TBX15: variants seen among roughly 807,000 people sequenced by gnomAD.
The protein encoded by TBX15 is T-box transcription factor TBX15.
TBX15 carries 18 observed loss-of-function variants against 53.9 expected under a neutral mutation model. The ratio of observed to expected loss-of-function variants is 0.33; its 90% CI spans 0.23 to 0.49. The LOEUF (loss-of-function observed/expected upper bound fraction) is 0.49, where lower values mean the gene tolerates loss of function less well. Ranked by LOEUF, TBX15 falls within the 20% of genes least tolerant of loss-of-function variation. The probability of loss-of-function intolerance (pLI) is 0.98; values close to 1 mark genes in which losing one functional copy is unlikely to be tolerated. For missense variants in TBX15, 692 were observed against 749.5 expected (o/e 0.92, Z 0.90); for synonymous variants, 295 against 278.0 (o/e 1.06, Z -0.61).
intron 1 of TBX15, among the ~76,000 whole-genome samples, chr1:118,979,987 G>T (rs1410421225): frequency 6.6e-6 from 1 of 152,228 alleles, no homozygotes; most frequent in Admixed American, 6.5e-5. Flanking sequence ...GAGGGGCCGA[G>T]GGGCCGAGGG....
At chr1:118,969,830 T>G (rs1236621633) in intron 1 of TBX15, among the ~76,000 whole-genome samples, 1 of 152,244 alleles carries the variant, frequency 6.6e-6, no homozygotes, top group East Asian at 1.9e-4. Context: ...TTCCCATGCT[T>G]GGAGCTCAAG....
intron 1 of TBX15, among the ~76,000 whole-genome samples, chr1:118,955,342 A>C (rs183300139): frequency 7.6e-4 from 116 of 152,348 alleles, no homozygotes; most frequent in South Asian, 1.2e-3. Flanking sequence ...CAAGGTTATA[A>C]GATTAAACTA....
intron 1 of TBX15, among the ~76,000 whole-genome samples, chr1:118,941,450 A>T (rs1656173329): frequency 6.6e-6 from 1 of 152,176 alleles, no homozygotes; most frequent in African/African-American, 2.4e-5. Context: ...ACAGCCAGGA[A>T]TGCCCTTCAA....
chr1:118,935,008 T>C (rs1028263670), intron 1 of TBX15, among the ~76,000 whole-genome samples: 1 of 152,190 alleles, frequency 6.6e-6, no homozygotes, highest in Admixed American at 6.5e-5. Flanking sequence ...TCTTAAATAT[T>C]ATAATCTTGA....
chr1:118,922,170 C>A (rs1356103069), intron 5 of TBX15, among the ~76,000 whole-genome samples: 1 of 152,222 alleles, frequency 6.6e-6, no homozygotes, highest in African/African-American at 2.4e-5. Context: ...AAGCTGTCAT[C>A]TTGATCCCAA....
At chr1:118,911,308 C>T (rs1236682117) in intron 6 of TBX15, among the ~76,000 whole-genome samples, 1 of 152,120 alleles carries the variant, frequency 6.6e-6, no homozygotes, top group East Asian at 1.9e-4. Context: ...CTTAAAGTAG[C>T]CCTCAGATTT....
rs963521846 is a variant in TBX15, at chr1:118,914,267, T to A, written c.862-88A>T. 3.2e-4 allele frequency: 385 copies of A among 1,195,028 alleles called. 2 individuals are homozygous for A. The highest frequency in any genetic ancestry group is 1.3e-3 in the South Asian group (99 of 78,024). 74.0% of individuals were successfully genotyped at this position (1,195,028 alleles called of 1,614,324 possible). The stretch of plus-strand genomic sequence containing the variant: ...TAGAAAATTACAAAAATCACTTTTT[T>A]AATAACAGTTGTTGCTTTTATTTAA... On this transcript the variant is annotated intron_variant, in intron 5 of 7. Transcript: ENST00000369429.
intron 1 of TBX15, among the ~76,000 whole-genome samples, chr1:118,957,785 T>C (rs1185733920): frequency 6.6e-6 from 1 of 152,228 alleles, no homozygotes; most frequent in African/African-American, 2.4e-5. Flanking sequence ...TCCATGTCCC[T>C]ACAAAGGACA....
chr1:118,893,615 G>GAAAGAAAGAA (rs1460574760), intron 7 of TBX15, among the ~76,000 whole-genome samples: 1 of 109,616 alleles, frequency 9.1e-6, no homozygotes, highest in African/African-American at 3.7e-5. Context: ...AAGAAAGAAA[G>GAAAGAAAGAA]AGAGAGAGAA....
intron 6 of TBX15, among the ~76,000 whole-genome samples, chr1:118,912,637 T>A (rs1259381284): frequency 6.6e-6 from 1 of 151,994 alleles, no homozygotes; most frequent in African/African-American, 2.4e-5. Flanking sequence ...AAAAAGGCAA[T>A]AGGAAATGGC....
intron 5 of TBX15, among the ~76,000 whole-genome samples, chr1:118,919,605 T>C (rs561742125): frequency 3.9e-5 from 6 of 152,286 alleles, no homozygotes; most frequent in Admixed American, 2.6e-4. Flanking sequence ...ACCACAGATA[T>C]ATAAAGAAAC....
At chr1:118,980,410 A>T (rs1025880022) in intron 1 of TBX15, among the ~76,000 whole-genome samples, 1 of 152,120 alleles carries the variant, frequency 6.6e-6, no homozygotes, top group Non-Finnish European at 1.5e-5. Context: ...TCTACTCGTC[A>T]TCTGTAGTGG....
chr1:118,978,000 G>T (rs888383491), intron 1 of TBX15, among the ~76,000 whole-genome samples: 1 of 152,104 alleles, frequency 6.6e-6, no homozygotes, highest in Non-Finnish European at 1.5e-5. Context: ...CAAATCCAGA[G>T]TTTTTCCAGT....
chr1:118,971,306 G>C (rs1030371326), intron 1 of TBX15, among the ~76,000 whole-genome samples: 3 of 152,126 alleles, frequency 2.0e-5, no homozygotes, highest in African/African-American at 7.2e-5. Context: ...CCAGAATATA[G>C]AGAGATCAAC....
intron 1 of TBX15, among the ~76,000 whole-genome samples, chr1:118,942,233 T>G (rs1175976860): frequency 6.6e-6 from 1 of 152,144 alleles, no homozygotes; most frequent in East Asian, 1.9e-4. Context: ...GGCGTGGCAA[T>G]AAAATCTACC....
At chr1:118,949,524 T>C (rs1656446845) in intron 1 of TBX15, among the ~76,000 whole-genome samples, 1 of 152,212 alleles carries the variant, frequency 6.6e-6, no homozygotes, top group African/African-American at 2.4e-5. Context: ...GTGATTTACT[T>C]TGTGGGAGTT....
chr1:118,950,217 C>T (rs1656472321), intron 1 of TBX15, among the ~76,000 whole-genome samples: 1 of 152,188 alleles, frequency 6.6e-6, no homozygotes, highest in East Asian at 1.9e-4. Context: ...TAGTCATATA[C>T]TCTTAGGGTT....
chr1:118,976,123 A>T (rs1657423833), intron 1 of TBX15, among the ~76,000 whole-genome samples: 1 of 152,198 alleles, frequency 6.6e-6, no homozygotes, highest in Admixed American at 6.5e-5. Flanking sequence ...GTTTTACAGA[A>T]GGAAGAAAAC....
intron 1 of TBX15, among the ~76,000 whole-genome samples, chr1:118,968,009 T>C (rs750883898): frequency 2.0e-5 from 3 of 152,232 alleles, no homozygotes; most frequent in Non-Finnish European, 2.9e-5. Flanking sequence ...TTAGCTACAG[T>C]AATGAATATT....
Sources: gnomAD v4.1 joint callset for allele counts (sites outside exome capture counted in the v4.1 genomes callset) on GRCh38, gnomAD v4.1.1 for gene constraint, MANE v1.5 for transcripts, NCBI Gene and HGNC (gene_info 2026-07-23, HGNC 2026-07-21) for gene names.